Variants in KIAA1958 observed in about 807,000 individuals in gnomAD.
KIAA1958 encodes uncharacterized protein KIAA1958.
KIAA1958 carries 14 observed loss-of-function variants against 47.2 expected under a neutral mutation model. The ratio of observed to expected loss-of-function variants is 0.30; its 90% CI spans 0.20 to 0.46. The LOEUF is 0.46. Ranked by LOEUF, KIAA1958 falls within the 20% of genes least tolerant of loss-of-function variation. KIAA1958 has a pLI of 1.00. For synonymous variants in KIAA1958, 354 were observed against 353.3 expected, an observed-to-expected ratio of 1.00 and a Z score of -0.02; for missense variants, 803 against 909.2, an observed-to-expected ratio of 0.88 and a Z score of 1.50.
chr9:112,603,449 A>G (rs773657382), intron 2 of KIAA1958, among the ~76,000 whole-genome samples: 2 of 152,120 alleles, frequency 1.3e-5, no homozygotes, highest in Non-Finnish European at 2.9e-5. Flanking sequence ...GCTTCGTCCT[A>G]AGATGCCCTA....
chr9:112,607,332 CAAAAAAG>C (rs1358807274), intron 2 of KIAA1958, among the ~76,000 whole-genome samples: 16 of 145,776 alleles, frequency 1.1e-4, no homozygotes, highest in Admixed American at 8.2e-4. Flanking sequence ...AACTCTGTCT[CAAAAAAG>C]AAAAAAGAAA....
At chr9:112,596,027 C>T (rs183767691) in intron 2 of KIAA1958, among the ~76,000 whole-genome samples, 48 of 152,146 alleles carry the variant, frequency 3.2e-4, no homozygotes, top group African/African-American at 1.0e-3. Context: ...TCAGGTGATC[C>T]GCCTTCCTCC....
chr9:112,546,692 AT>A (rs937517620), intron 1 of KIAA1958, among the ~76,000 whole-genome samples: 1 of 152,016 alleles, frequency 6.6e-6, no homozygotes, highest in Non-Finnish European at 1.5e-5. Context: ...AAATATTATG[AT>A]TGTTGTATAT....
At chr9:112,498,508 G>A (rs58310450) in intron 1 of KIAA1958, among the ~76,000 whole-genome samples, 4,103 of 152,086 alleles carry the variant, frequency 0.027, 107 homozygotes, top group Admixed American at 0.068. Flanking sequence ...TAAAATTCAC[G>A]GCTTTACCAA....
intron 2 of KIAA1958, among the ~76,000 whole-genome samples, chr9:112,605,427 G>A (rs969364062): frequency 1.3e-5 from 2 of 151,964 alleles, no homozygotes; most frequent in Admixed American, 6.6e-5. Flanking sequence ...GGATCATTTC[G>A]TTTTCTGAGA....
chr9:112,615,840 G>A (rs1588041157), intron 2 of KIAA1958, among the ~76,000 whole-genome samples: 2 of 152,340 alleles, frequency 1.3e-5, no homozygotes, highest in East Asian at 3.9e-4. Flanking sequence ...CCCAGAGTAT[G>A]TACCGTAGTA....
chr9:112,667,240 G>A lies in KIAA1958; in HGVS notation c.*7171G>A, dbSNP rs116742701. 5.2e-3 allele frequency: 786 copies of A among 152,220 alleles called. 9 individuals carry two copies. Among genetic ancestry groups the A allele is most frequent in the African/African-American group, 0.018 (730 of 41,518 alleles). The allele number at this position is 152,220 out of a possible 1,614,324, so 9.4% of individuals were successfully genotyped here. ...ACAGGGTCTGGGAAGAAAGGACCACGTTTAAGGATGAGTATAGAGAAAAAA... is the reference window on the plus strand; with the variant it reads ...ACAGGGTCTGGGAAGAAAGGACCACATTTAAGGATGAGTATAGAGAAAAAA... On this transcript the variant is annotated 3_prime_UTR_variant, in exon 4 of 4. Coordinates refer to ENST00000337530, the MANE Select transcript of KIAA1958 (RefSeq NM_133465.4).
intron 1 of KIAA1958, among the ~76,000 whole-genome samples, chr9:112,548,751 T>C (rs1244762341): frequency 6.6e-6 from 1 of 152,238 alleles, no homozygotes; most frequent in Non-Finnish European, 1.5e-5. Flanking sequence ...TTTCCAAATA[T>C]TTCTCAGCAT....
intron 1 of KIAA1958, among the ~76,000 whole-genome samples, chr9:112,544,920 T>G (rs1353426138): frequency 2.0e-5 from 3 of 152,170 alleles, no homozygotes; most frequent in African/African-American, 7.2e-5. Context: ...TTTTTTTAAT[T>G]TTAACTTTCC....
In KIAA1958 at chr9:112,618,316, C is replaced by T. The variant is rs563132307; in HGVS notation, c.1172-27334C>T. The T allele has an allele frequency of 3.5e-5, 55 of 1,551,140 alleles. No homozygotes were observed. The highest frequency in any genetic ancestry group is 1.5e-4 in the East Asian group (6 of 40,914). ...GGGGACTGCTAAGCCGATATAACCCCGAGGGTTTGCTCAACCTAGTCTGGC... is the reference window on the plus strand; with the variant it reads ...GGGGACTGCTAAGCCGATATAACCCTGAGGGTTTGCTCAACCTAGTCTGGC... On this transcript the variant is annotated intron_variant, in intron 2 of 3. Coordinates refer to ENST00000337530, the MANE Select transcript of KIAA1958 (RefSeq NM_133465.4). This position sits in a 1 kb window ranked among gnomAD's most constrained non-coding sequence, Gnocchi z 7.1.
intron 2 of KIAA1958, among the ~76,000 whole-genome samples, chr9:112,626,644 A>G (rs1371544923): frequency 3.3e-5 from 5 of 152,182 alleles, no homozygotes; most frequent in Non-Finnish European, 5.9e-5. Context: ...TACTTCCACT[A>G]GAAATTAATT....
At chr9:112,633,040 T>A (rs1836738772) in intron 2 of KIAA1958, among the ~76,000 whole-genome samples, 1 of 152,106 alleles carries the variant, frequency 6.6e-6, no homozygotes, top group African/African-American at 2.4e-5. Flanking sequence ...GAAGAATCCA[T>A]CTTTCCCCAA....
Position 112,659,620 on chromosome 9 carries a change from A to G in KIAA1958, c.1702A>G (p.Asn568Asp), listed in dbSNP as rs769393091. Residue 568 changes from asparagine to aspartate, a missense_variant, in exon 4 of 4, where the codon AAC becomes GAC. Around this residue, in one of 2 missense-constraint regions of KIAA1958, gnomAD observed 761 missense variants for 829.3 expected, o/e 0.92. Coordinates refer to ENST00000337530, the MANE Select transcript of KIAA1958 (RefSeq NM_133465.4). ...TVVKYNSQYL[N>D]MRTLQEHADL... ...GGTCAAGTACAACAGCCAGTACCTGAACATGCGGACGCTGCAGGAGCATGC... is the reference window on the plus strand; with the variant it reads ...GGTCAAGTACAACAGCCAGTACCTGGACATGCGGACGCTGCAGGAGCATGC... 6.2e-7 allele frequency: 1 copy of G among 1,614,100 alleles called. No homozygotes were observed. Among genetic ancestry groups the G allele is most frequent in the Non-Finnish European group, 8.5e-7 (1 of 1,179,952 alleles).
chr9:112,582,335 A>G (rs982572765), intron 2 of KIAA1958: 1 of 152,246 alleles, frequency 6.6e-6, no homozygotes, highest in Non-Finnish European at 1.5e-5. Flanking sequence ...CTGTATCAAA[A>G]TATCTCATGT....
rs1357992063 is a variant in KIAA1958 at position 112,665,706 on chromosome 9, TC to T, written c.*5641del. 6 of 152,190 alleles carry T rather than the reference TC, an allele frequency of 3.9e-5. No homozygotes were observed. The highest frequency in any genetic ancestry group is 1.5e-5 in the Non-Finnish European group (1 of 68,022). The allele number at this position is 152,190 out of a possible 1,614,324, so 9.4% of individuals were successfully genotyped here. Reference sequence around the variant, plus strand: ...AATCGATCCTGGAAAGCCTGGCGGTTCCCCAGTATTTTCTGCCTACTGGGAA... The same window carrying T: ...AATCGATCCTGGAAAGCCTGGCGGTTCCCAGTATTTTCTGCCTACTGGGAA... On this transcript the variant is annotated 3_prime_UTR_variant, in exon 4 of 4. Transcript: ENST00000337530.
At chr9:112,491,358 T>C (rs1005726233) in intron 1 of KIAA1958, among the ~76,000 whole-genome samples, 1 of 152,214 alleles carries the variant, frequency 6.6e-6, no homozygotes, top group Non-Finnish European at 1.5e-5. Context: ...ATTTCTACTC[T>C]AGCTTTTTTT....
intron 1 of KIAA1958, among the ~76,000 whole-genome samples, chr9:112,498,802 T>C (rs1005614120): frequency 6.6e-6 from 1 of 152,158 alleles, no homozygotes; most frequent in African/African-American, 2.4e-5. Context: ...AAATAATAGT[T>C]AACCATATTC....
chr9:112,487,936 A>AGT (rs1413318338), intron 1 of KIAA1958, among the ~76,000 whole-genome samples: 7 of 91,006 alleles, frequency 7.7e-5, no homozygotes, highest in Admixed American at 2.6e-4. Flanking sequence ...ATATGTATTT[A>AGT]GTGTGTGTGC....
chr9:112,540,167 A>C (rs531760630), intron 1 of KIAA1958, among the ~76,000 whole-genome samples: 1 of 152,212 alleles, frequency 6.6e-6, no homozygotes, highest in East Asian at 1.9e-4. Flanking sequence ...ATATGGAAGG[A>C]TATATGATAG....
Sources: gnomAD v4.1 joint callset for allele counts (sites outside exome capture counted in the v4.1 genomes callset) on GRCh38, gnomAD v4.1.1 for gene constraint, gnomAD v4.1.1 regional missense constraint, Gnocchi (gnomAD v3.1) non-coding constraint, MANE v1.5 for transcripts, NCBI Gene and HGNC (gene_info 2026-07-23, HGNC 2026-07-21) for gene names.